SLC15A2: variants seen among roughly 807,000 people sequenced by gnomAD.
SLC15A2 encodes solute carrier family 15 member 2.
In SLC15A2, 77 loss-of-function variants were observed where a neutral mutation model predicts 95.5. That is an observed-to-expected ratio of 0.81 (90% confidence interval 0.67 to 0.97). The LOEUF is 0.97. Among genes scored for constraint, SLC15A2 ranks in the 50% least tolerant of loss-of-function variants. SLC15A2 has a pLI of 0.00. For synonymous variants in SLC15A2, 306 were observed against 306.9 expected, an observed-to-expected ratio of 1.00 and a Z score of 0.03; for missense variants, 893 against 874.4, an observed-to-expected ratio of 1.02 and a Z score of -0.27.
intron 7 of SLC15A2, among the ~76,000 whole-genome samples, chr3:121,916,913 C>T (rs527914845): frequency 4.6e-5 from 7 of 152,036 alleles, no homozygotes; most frequent in East Asian, 1.9e-4. Flanking sequence ...CTCCACGTCC[C>T]GGGTTCACGC....
intron 7 of SLC15A2, among the ~76,000 whole-genome samples, chr3:121,919,060 G>A (rs1423071685): frequency 2.0e-5 from 3 of 152,082 alleles, no homozygotes; most frequent in Non-Finnish European, 4.4e-5. Context: ...CCAAAAACTC[G>A]GAGATGCTAG....
chr3:121,927,515 C>T, intron 13 of SLC15A2: 1 of 443,070 alleles, frequency 2.3e-6, no homozygotes, highest in Admixed American at 3.5e-5. Context: ...TGGCTTCTCC[C>T]ATGATTGAAA....
At position 121,941,108 on chromosome 3, in the gene SLC15A2, C is replaced by A; in HGVS notation, c.*101C>A. ...CAAGAGAGATAGCAGCATATCAGAG[C>A]TGATCTCCTCCACCTTTCTCCAATG... is the stretch of plus-strand genomic sequence containing the variant. On this transcript the variant is annotated 3_prime_UTR_variant, in exon 22 of 22. Coordinates refer to ENST00000489711, the MANE Select transcript of SLC15A2 (RefSeq NM_021082.4). The A allele has an allele frequency of 9.6e-7, 1 of 1,037,938 alleles. No homozygotes were observed. Among genetic ancestry groups the A allele is most frequent in the Non-Finnish European group, 1.4e-6 (1 of 721,468 alleles). The allele number at this position is 1,037,938 out of a possible 1,614,324, so 64.3% of individuals were successfully genotyped here.
chr3:121,898,092 G>A (rs759521069), intron 3 of SLC15A2, among the ~76,000 whole-genome samples: 10 of 151,668 alleles, frequency 6.6e-5, no homozygotes, highest in Non-Finnish European at 1.3e-4. Flanking sequence ...AATATGGGAG[G>A]CAGAGGTTGC....
chr3:121,924,413 T>A, intron 12 of SLC15A2, 30 bp downstream of exon 12: 3 of 1,603,750 alleles, frequency 1.9e-6, no homozygotes, highest in Non-Finnish European at 1.7e-6. Context: ...CCATGGGGAC[T>A]TATTTGTTTC....
chr3:121,916,215 G>T (rs148716003), intron 7 of SLC15A2, among the ~76,000 whole-genome samples: 22 of 152,320 alleles, frequency 1.4e-4, no homozygotes, highest in Non-Finnish European at 2.8e-4. Context: ...AAGAGAATAA[G>T]AGGAGTTGGA....
At chr3:121,901,017 T>C (rs1576668477) in intron 3 of SLC15A2, among the ~76,000 whole-genome samples, 1 of 150,080 alleles carries the variant, frequency 6.7e-6, no homozygotes, top group African/African-American at 2.4e-5. Flanking sequence ...ATATATATAA[T>C]ATACATATTT....
At chr3:121,916,979 C>T (rs532968416) in intron 7 of SLC15A2, among the ~76,000 whole-genome samples, 50 of 152,160 alleles carry the variant, frequency 3.3e-4, no homozygotes, top group African/African-American at 9.4e-4. Flanking sequence ...CACCACCATG[C>T]CTGGCTAATT....
At chr3:121,902,809 G>T (rs1361244151) in intron 3 of SLC15A2, among the ~76,000 whole-genome samples, 1 of 152,176 alleles carries the variant, frequency 6.6e-6, no homozygotes, top group African/African-American at 2.4e-5. Flanking sequence ...GAATAGTGCT[G>T]CAGTAAACAT....
In SLC15A2 at chr3:121,896,411, C is replaced by G; in HGVS notation, c.111C>G (p.Ile37Met). ...PSPPKKPSPT[I>M]CGSNYPLSIA... ...ATTGCCTTCTTGTTGAATAGACAAT[C>G]TGTGGCTCCAACTATCCACTGAGCA... Residue 37 changes from isoleucine to methionine, a missense_variant, in exon 2 of 22, where the codon ATC (isoleucine) becomes ATG (methionine). Physicochemically the swap from Ile to Met is conservative, Grantham distance 10. Coordinates refer to ENST00000489711, the MANE Select transcript of SLC15A2 (RefSeq NM_021082.4). 2 of 1,613,186 alleles carry G rather than the reference C, an allele frequency of 1.2e-6. No homozygotes were observed. Among genetic ancestry groups the G allele is most frequent in the Non-Finnish European group, 1.7e-6 (2 of 1,179,114 alleles).
At chr3:121,896,615 A>G (rs1709418237) in intron 2 of SLC15A2, 122 bp downstream of exon 2, 2 of 778,022 alleles carry the variant, frequency 2.6e-6, no homozygotes, top group South Asian at 1.5e-5. Context: ...CTTGGTCCAA[A>G]TTGGTCCTTT....
chr3:121,929,654 G>A (rs766790877), intron 17 of SLC15A2, among the ~76,000 whole-genome samples: 7 of 151,930 alleles, frequency 4.6e-5, no homozygotes, highest in Admixed American at 6.6e-5. Context: ...CTCTGTGATC[G>A]CCAGAGAGAA....
At chr3:121,907,953 C>CT (rs1291310187) in intron 3 of SLC15A2, among the ~76,000 whole-genome samples, 1 of 152,234 alleles carries the variant, frequency 6.6e-6, no homozygotes, top group Admixed American at 6.5e-5. Flanking sequence ...TTTCTGCTGC[C>CT]TTTTGTTCCG....
intron 7 of SLC15A2, among the ~76,000 whole-genome samples, chr3:121,920,695 G>T (rs1709988854): frequency 6.6e-6 from 1 of 152,186 alleles, no homozygotes; most frequent in African/African-American, 2.4e-5. Context: ...TATAGATAAA[G>T]GATGCTATTT....
chr3:121,934,535 G>C (rs1710300455), intron 19 of SLC15A2, among the ~76,000 whole-genome samples: 1 of 150,664 alleles, frequency 6.6e-6, no homozygotes, highest in African/African-American at 2.4e-5. Context: ...ATTGTGAATG[G>C]GAGTTCACTC....
intron 7 of SLC15A2, among the ~76,000 whole-genome samples, chr3:121,918,326 C>G (rs1709935665): frequency 6.6e-6 from 1 of 152,098 alleles, no homozygotes; most frequent in Non-Finnish European, 1.5e-5. Flanking sequence ...GGGTTATTAA[C>G]TGAGCTAGTG....
At chr3:121,933,193 G>C (rs1337936310) in intron 19 of SLC15A2, among the ~76,000 whole-genome samples, 1 of 147,886 alleles carries the variant, frequency 6.8e-6, no homozygotes, top group African/African-American at 2.5e-5. Flanking sequence ...CCAAGTCTTT[G>C]CTATTGTGAA....
chr3:121,915,032 G>A, intron 5 of SLC15A2, 195 bp from the exon 6 acceptor site: 1 of 1,357,340 alleles, frequency 7.4e-7, no homozygotes. Flanking sequence ...CTGCTCTGGA[G>A]TTTGAAAGGT....
intron 2 of SLC15A2, 52 bp downstream of exon 2, chr3:121,896,545 C>A (rs1481687418): frequency 7.2e-7 from 1 of 1,381,836 alleles, no homozygotes; most frequent in Non-Finnish European, 1.0e-6. Context: ...ACCCTCACCC[C>A]ATGTTTGTGA....
Sources: allele counts gnomAD v4.1 joint callset (sites outside exome capture counted in the v4.1 genomes callset), GRCh38; gene constraint gnomAD v4.1.1; transcripts MANE v1.5; gene names NCBI Gene and HGNC (gene_info 2026-07-23, HGNC 2026-07-21).